The following PKNOX2 variants were observed in gnomAD, a reference collection of about 807,000 sequenced individuals.
The protein encoded by PKNOX2 is homeobox protein PKNOX2.
In PKNOX2, 14 loss-of-function variants were observed where a neutral mutation model predicts 53.1. That is an observed-to-expected ratio of 0.26 (90% confidence interval 0.17 to 0.41). The LOEUF (loss-of-function observed/expected upper bound fraction) is 0.41. Ranked by LOEUF, PKNOX2 falls within the 10% of genes least tolerant of loss-of-function variation. PKNOX2 has a pLI of 1.00. For synonymous variants in PKNOX2, 257 were observed against 242.8 expected (o/e 1.06, Z -0.54); for missense variants, 496 against 602.8 (o/e 0.82, Z 1.85).
chr11:125,359,768 G>A (rs576405238), intron 4 of PKNOX2, among the ~76,000 whole-genome samples: 18 of 152,350 alleles, frequency 1.2e-4, no homozygotes, highest in African/African-American at 3.6e-4. Flanking sequence ...GGCAGCCCCA[G>A]GGGGCCAGAA....
chr11:125,357,336 C>A (rs77005820), intron 4 of PKNOX2, among the ~76,000 whole-genome samples: 5,664 of 152,206 alleles, frequency 0.037, 127 homozygotes, highest in Non-Finnish European at 0.051. Flanking sequence ...AACCGTGGGG[C>A]CTTTATGCCC....
At chr11:125,203,185 A>G (rs1938649108) in intron 1 of PKNOX2, among the ~76,000 whole-genome samples, 1 of 152,150 alleles carries the variant, frequency 6.6e-6, no homozygotes, top group South Asian at 2.1e-4. Flanking sequence ...TCAGCTGATC[A>G]TGGCTCACTG....
chr11:125,360,174 A>C (rs1009484217), intron 4 of PKNOX2, among the ~76,000 whole-genome samples: 2 of 151,892 alleles, frequency 1.3e-5, no homozygotes, highest in Admixed American at 1.3e-4. Context: ...AAAGGAAAAA[A>C]AGGAGTGTCT....
chr11:125,409,715 C>G (rs1369147176), intron 7 of PKNOX2, among the ~76,000 whole-genome samples: 1 of 151,924 alleles, frequency 6.6e-6, no homozygotes, highest in African/African-American at 2.4e-5. Context: ...GAGCAGGTGC[C>G]GACCAGGTGA....
chr11:125,345,908 T>TAA (rs762171567), intron 3 of PKNOX2, among the ~76,000 whole-genome samples: 1 of 152,024 alleles, frequency 6.6e-6, no homozygotes, highest in Non-Finnish European at 1.5e-5. Context: ...ATAATGCAAT[T>TAA]AAAGCGGGCC....
At chr11:125,403,807 T>G (rs971213278) in intron 7 of PKNOX2, among the ~76,000 whole-genome samples, 12 of 152,166 alleles carry the variant, frequency 7.9e-5, no homozygotes, top group Non-Finnish European at 1.0e-4. Context: ...GAATTTGGAT[T>G]TGCTAGTAGA....
At chr11:125,307,921 G>C (rs565539101) in intron 2 of PKNOX2, among the ~76,000 whole-genome samples, 2 of 152,318 alleles carry the variant, frequency 1.3e-5, no homozygotes, top group East Asian at 3.9e-4. Context: ...CATGGGAAAT[G>C]TCTTCAATTT....
At chr11:125,417,620 T>C (rs1312380266) in intron 10 of PKNOX2, among the ~76,000 whole-genome samples, 1 of 152,040 alleles carries the variant, frequency 6.6e-6, no homozygotes, top group African/African-American at 2.4e-5. Flanking sequence ...CTCTAATCTC[T>C]TACCCACCAC....
At chr11:125,174,795 C>T (rs1236758263) in intron 1 of PKNOX2, among the ~76,000 whole-genome samples, 14 of 152,116 alleles carry the variant, frequency 9.2e-5, no homozygotes, top group Admixed American at 9.2e-4. Flanking sequence ...AACTCAAGAC[C>T]GCTGCTCCCC....
intron 2 of PKNOX2, among the ~76,000 whole-genome samples, chr11:125,286,625 G>C (rs112043080): frequency 6.6e-6 from 1 of 152,216 alleles, no homozygotes; most frequent in African/African-American, 2.4e-5. Context: ...GCCTGGTGTC[G>C]CCTGCCGGGC....
chr11:125,414,847 T>A (rs998337512), intron 10 of PKNOX2, among the ~76,000 whole-genome samples: 1 of 152,020 alleles, frequency 6.6e-6, no homozygotes, highest in South Asian at 2.1e-4. Flanking sequence ...ACTTAAGAAA[T>A]AAGTTCCCTT....
At chr11:125,372,382 C>T (rs182634721) in intron 5 of PKNOX2, among the ~76,000 whole-genome samples, 5 of 152,314 alleles carry the variant, frequency 3.3e-5, no homozygotes, top group Admixed American at 6.5e-5. Flanking sequence ...GATTTACATG[C>T]GTAAGCCCAT....
intron 10 of PKNOX2, among the ~76,000 whole-genome samples, chr11:125,424,419 G>T (rs1956310693): frequency 6.6e-6 from 1 of 151,932 alleles, no homozygotes; most frequent in African/African-American, 2.4e-5. Flanking sequence ...TCTTAGATGT[G>T]ATGGAATGTG....
chr11:125,245,457 C>T (rs1430802052), intron 2 of PKNOX2, among the ~76,000 whole-genome samples: 2 of 152,238 alleles, frequency 1.3e-5, no homozygotes, highest in South Asian at 2.1e-4. Context: ...GTCTGCATGA[C>T]GCCAAAGACT....
At chr11:125,190,199 C>A (rs897100358) in intron 1 of PKNOX2, 1 of 152,182 alleles carries the variant, frequency 6.6e-6, no homozygotes, top group Non-Finnish European at 1.5e-5. Context: ...GCTGGGATTA[C>A]AAGCATGAGC....
intron 10 of PKNOX2, among the ~76,000 whole-genome samples, chr11:125,414,472 A>G (rs1190146305): frequency 1.3e-5 from 2 of 152,196 alleles, no homozygotes; most frequent in African/African-American, 4.8e-5. Context: ...AGAGCTCAGA[A>G]CTTTGGGACT....
chr11:125,300,216 GC>G (rs1414148704), intron 2 of PKNOX2, among the ~76,000 whole-genome samples: 1 of 152,250 alleles, frequency 6.6e-6, no homozygotes, highest in East Asian at 1.9e-4. Flanking sequence ...GCCTAAGGCT[GC>G]AGACTTCTCT....
chr11:125,369,478 G>T (rs896337574), intron 5 of PKNOX2, among the ~76,000 whole-genome samples: 1 of 152,206 alleles, frequency 6.6e-6, no homozygotes, highest in Non-Finnish European at 1.5e-5. Context: ...ATTCCTATGT[G>T]GGGGGCTGTG....
intron 1 of PKNOX2, among the ~76,000 whole-genome samples, chr11:125,216,469 T>C (rs1417640669): frequency 1.3e-5 from 2 of 152,118 alleles, no homozygotes; most frequent in African/African-American, 4.8e-5. Context: ...TGAGGGGGCC[T>C]GAGAAACCCG....
Sources: allele counts gnomAD v4.1 joint callset (sites outside exome capture counted in the v4.1 genomes callset), GRCh38; gene constraint gnomAD v4.1.1; transcripts MANE v1.5; gene names NCBI Gene and HGNC (gene_info 2026-07-23, HGNC 2026-07-21).